GHRHR: variants seen among roughly 807,000 people sequenced by gnomAD.
The protein encoded by GHRHR is growth hormone-releasing hormone receptor.
A neutral mutation model predicts 58.3 loss-of-function variants in GHRHR; 40 were observed. The observed-to-expected ratio is 0.69, with a 90% CI of 0.53 to 0.89. The LOEUF (loss-of-function observed/expected upper bound fraction) is 0.89, where lower values mean the gene tolerates loss of function less well. Ranked by LOEUF, GHRHR falls within the 40% of genes least tolerant of loss-of-function variation. The pLI, the probability that GHRHR is intolerant of heterozygous loss-of-function variation, is 0.00. For missense variants in GHRHR, 551 were observed against 541.3 expected, an observed-to-expected ratio of 1.02 and a Z score of -0.18; for synonymous variants, 249 against 216.6, an observed-to-expected ratio of 1.15 and a Z score of -1.31.
At chr7:30,974,253 G>A in intron 7 of GHRHR, 115 bp downstream of exon 7, 1 of 1,259,812 alleles carries the variant, frequency 7.9e-7, no homozygotes, top group Non-Finnish European at 1.2e-6. Context: ...GAGAGGGACA[G>A]GCCACAGTCC....
At chr7:30,965,024 C>G (rs749844729) in intron 1 of GHRHR, among the ~76,000 whole-genome samples, 5 of 152,260 alleles carry the variant, frequency 3.3e-5, no homozygotes, top group Admixed American at 1.3e-4. Flanking sequence ...TGAAACTAGC[C>G]GTGTGAACTG....
chr7:30,977,857 T>G (rs1252864271), intron 12 of GHRHR, among the ~76,000 whole-genome samples: 1 of 151,872 alleles, frequency 6.6e-6, no homozygotes, highest in Non-Finnish European at 1.5e-5. Context: ...GAAGGGGAGA[T>G]AGACATGAAA....
In GHRHR at chr7:30,971,169, C is replaced by T. The variant is rs1035420440; in HGVS notation, c.417C>T (p.Ile139=). 1 of 1,535,934 alleles carries T rather than the reference C, an allele frequency of 6.5e-7. No homozygotes were observed. The highest frequency in any genetic ancestry group is 1.4e-5 in the African/African-American group (1 of 73,176). ...VKIIYTVGHS[I]SIVALFVAIT... is the part of the protein sequence containing the mutation. ...TTATCTACACCGTGGGCCATAGCATCTCTATTGTAGCCCTCTTCGTGGCCA... is the reference window on the plus strand; with the variant it reads ...TTATCTACACCGTGGGCCATAGCATTTCTATTGTAGCCCTCTTCGTGGCCA... Residue 139 remains isoleucine (I), a synonymous_variant, in exon 5 of 13, where the codon ATC becomes ATT. Coordinates refer to ENST00000326139, the MANE Select transcript of GHRHR (RefSeq NM_000823.4).
rs574958157 is a variant in GHRHR, at chr7:30,964,583, A to G, written c.57+458A>G. ...GCTTTCTGGACCCTTCCTTAGCCCT[A>G]TGACTCCCTGAGCCACTCTCCAGTT... On this transcript the variant is annotated intron_variant, in intron 1 of 12. Transcript: ENST00000326139. Among the ~76,000 whole-genome samples the G allele has an allele frequency of 1.1e-4, 16 of 151,988 alleles. No homozygotes were observed. The South Asian group carries it at 3.1e-3, about 30-fold the overall frequency.
rs1021235851 is a variant in GHRHR at position 30,967,441 on chromosome 7, G to A, written c.58-1393G>A. On this transcript the variant is annotated intron_variant, in intron 1 of 12. Transcript: ENST00000326139. The stretch of plus-strand genomic sequence containing the variant: ...GATCATTTCTCATGGCCACTGTGTA[G>A]CACAAGATCTGGGAGGCTCCTAAAA... Among the ~76,000 whole-genome samples, 3 of 152,186 alleles carry A rather than the reference G, an allele frequency of 2.0e-5. No homozygotes were observed. The South Asian group carries it at 6.2e-4, about 32-fold the overall frequency.
chr7:30,964,803 C>T (rs746202512), intron 1 of GHRHR, among the ~76,000 whole-genome samples: 1 of 152,164 alleles, frequency 6.6e-6, no homozygotes, highest in Admixed American at 6.5e-5. Context: ...GGAGAGAGGG[C>T]CCTTCCTGAA....
Position 30,979,131 on chromosome 7 carries a change from AT to A in GHRHR, c.1160del (p.Ile387ThrfsTer33). The stretch of plus-strand genomic sequence containing the variant: ...CTTGTCCCTGGAGGTGAGGACTGAG[AT>A]CTCACGGAAGTGGCATGGCCATGAC... ...CFLNQEVRTE[I>X]SRKWHGHDPE... On this transcript the variant is annotated frameshift_variant, in exon 13 of 13. Coordinates refer to ENST00000326139, the MANE Select transcript of GHRHR (RefSeq NM_000823.4). LOFTEE classifies it high-confidence loss of function. The A allele has an allele frequency of 6.2e-7, 1 of 1,613,792 alleles. No homozygotes were observed. The highest frequency in any genetic ancestry group is 1.1e-5 in the South Asian group (1 of 91,068).
chr7:30,977,161 A>G (rs933547710), intron 11 of GHRHR, 120 bp from the exon 12 acceptor site: 10 of 925,934 alleles, frequency 1.1e-5, no homozygotes, highest in Admixed American at 1.7e-5. Context: ...TCCCCTTTCA[A>G]TCAAACCTGG....
At chr7:30,971,303 A>G in intron 5 of GHRHR, 87 bp downstream of exon 5, 1 of 723,810 alleles carries the variant, frequency 1.4e-6, no homozygotes, top group Non-Finnish European at 2.5e-6. Context: ...CTACATAGCC[A>G]TGAACTTCCC....
rs2074781 is a variant in GHRHR, at chr7:30,975,915, G to A, written c.974+47G>A. On this transcript the variant is annotated intron_variant, in intron 10 of 12. Coordinates refer to ENST00000326139, the MANE Select transcript of GHRHR (RefSeq NM_000823.4). ...GGATACTGGGAAAGGGTAACTGGAGGGGGATTCAATGTGTCTGTCTCATCC... is the reference window on the plus strand; with the variant it reads ...GGATACTGGGAAAGGGTAACTGGAGAGGGATTCAATGTGTCTGTCTCATCC... 2,835 of 1,063,786 alleles carry A rather than the reference G, an allele frequency of 2.7e-3. 92 individuals carry two copies. In the East Asian group the frequency reaches 0.051, roughly 19 times the overall value. 65.9% of individuals were successfully genotyped at this position (1,063,786 alleles called of 1,614,324 possible).
chr7:30,978,072 C>T (rs1214943558), intron 12 of GHRHR, among the ~76,000 whole-genome samples: 1 of 152,248 alleles, frequency 6.6e-6, no homozygotes, highest in African/African-American at 2.4e-5. Context: ...GCTCCCTCTG[C>T]TGGCCATGGA....
In GHRHR at chr7:30,972,005, C is replaced by G. The variant is rs570281194; in HGVS notation, c.507C>G (p.Phe169Leu). The G allele has an allele frequency of 8.4e-5, 135 of 1,613,960 alleles. 1 individual carries two copies. In the South Asian group the frequency reaches 1.4e-3, roughly 17 times the overall value. Residue 169 changes from phenylalanine to leucine, a missense_variant, in exon 6 of 13, where the codon TTC (phenylalanine) becomes TTG (leucine). By Grantham distance (22) the Phe-to-Leu change is conservative. Transcript: ENST00000326139. ...CPRNYVHTQL[F>L]TTFILKAGAV... is the part of the protein sequence containing the mutation. ...GGAACTACGTCCACACCCAGCTGTT[C>G]ACCACTTTTATCCTCAAGGCGGGAG...
rs546061884 is a variant in GHRHR at position 30,965,217 on chromosome 7, C to T, written c.57+1092C>T. On this transcript the variant is annotated intron_variant, in intron 1 of 12. Transcript: ENST00000326139. ...ATCTGTGTGCACTCTACAGCAAAAG[C>T]TTTATTTTTAGCAGGGGTACCCAAG... Among the ~76,000 whole-genome samples the T allele has an allele frequency of 4.6e-5, 7 of 152,296 alleles. 1 individual carries two copies. In the South Asian group the frequency reaches 1.0e-3, roughly 23 times the overall value.
At chr7:30,977,712 G>C (rs537087894) in intron 12 of GHRHR, among the ~76,000 whole-genome samples, 4 of 152,190 alleles carry the variant, frequency 2.6e-5, no homozygotes, top group African/African-American at 7.2e-5. Flanking sequence ...AGAACAGATA[G>C]AGGAGCCAAG....
intron 5 of GHRHR, 31 bp downstream of exon 5, chr7:30,971,247 C>T (rs747453966): frequency 5.4e-6 from 5 of 933,564 alleles, no homozygotes; most frequent in African/African-American, 3.3e-5. Context: ...GCTCAAGAAC[C>T]TTCCTTGGCT....
Position 30,969,174 on chromosome 7 carries a change from AG to A in GHRHR, c.268+8del. ...TCTCACTTCAGCTCAGAGTCAGGTGAGGGGTGCTGGGTGTGGCGGTGGGAAA... is the reference window on the plus strand; with the variant it reads ...TCTCACTTCAGCTCAGAGTCAGGTGAGGGTGCTGGGTGTGGCGGTGGGAAA... On this transcript the variant is annotated splice_donor_5th_base_variant and intron_variant, in intron 3 of 12. Transcript: ENST00000326139. 6.5e-7 allele frequency: 1 copy of A among 1,538,098 alleles called. No individual in the cohort carries two copies. Among genetic ancestry groups the A allele is most frequent in the Non-Finnish European group, 8.8e-7 (1 of 1,132,978 alleles).
Position 30,971,299 on chromosome 7 carries a change from A to T in GHRHR, c.464+83A>T. The T allele has an allele frequency of 8.2e-6, 6 of 728,244 alleles. No homozygotes were observed. The South Asian group carries it at 8.8e-5, about 11-fold the overall frequency. The allele number at this position is 728,244 out of a possible 1,614,324, so 45.1% of individuals were successfully genotyped here. On this transcript the variant is annotated intron_variant, in intron 5 of 12. Transcript: ENST00000326139. ...GTCAAGTCTGCTTCCTTGCCTACAT[A>T]GCCATGAACTTCCCAGATCTAGGCG...
intron 4 of GHRHR, chr7:30,970,874 T>C (rs1792466756): frequency 1.8e-6 from 1 of 569,742 alleles, no homozygotes; most frequent in Non-Finnish European, 3.2e-6. Context: ...CAGAGCATCA[T>C]GAATGTTAAG....
chr7:30,969,893 A>G lies in GHRHR; in HGVS notation c.295A>G (p.Thr99Ala), dbSNP rs1316174097. Residue 99 changes from threonine to alanine, a missense_variant, in exon 4 of 13, where the codon ACT becomes GCT. Transcript: ENST00000326139. The stretch of plus-strand genomic sequence containing the variant: ...GGCTGTGAAACGGGATTGTACTATC[A>G]CTGGCTGGTCTGAGCCCTTTCCACC... ...SGAVKRDCTITGWSEPFPPYP... is the reference protein window; with the variant it reads ...SGAVKRDCTIAGWSEPFPPYP... The G allele has an allele frequency of 6.2e-7, 1 of 1,611,334 alleles. No individual in the cohort carries two copies.
Sources: gnomAD v4.1 joint callset for allele counts (sites outside exome capture counted in the v4.1 genomes callset) on GRCh38, gnomAD v4.1.1 for gene constraint, MANE v1.5 for transcripts, NCBI Gene and HGNC (gene_info 2026-07-23, HGNC 2026-07-21) for gene names.